ERAP1: variants seen among roughly 807,000 people sequenced by gnomAD.
The protein encoded by ERAP1 is endoplasmic reticulum aminopeptidase 1.
In ERAP1, 86 loss-of-function variants were observed where a neutral mutation model predicts 103.7. The observed-to-expected ratio is 0.83, with a 90% confidence interval of 0.70 to 0.99. The LOEUF (loss-of-function observed/expected upper bound fraction) is 0.99, where lower values mean the gene tolerates loss of function less well. Among genes scored for constraint, ERAP1 ranks in the 50% least tolerant of loss-of-function variants. The probability of loss-of-function intolerance (pLI) is 0.00; values close to 1 mark genes in which losing one functional copy is unlikely to be tolerated. For synonymous variants in ERAP1, 398 were observed against 402.4 expected, an observed-to-expected ratio of 0.99 and a Z score of 0.13; for missense variants, 1,009 against 1,128.4, an observed-to-expected ratio of 0.89 and a Z score of 1.52.
chr5:96,884,291 A>G, the ERAP1 span, among the ~76,000 whole-genome samples: 1 of 152,202 alleles, frequency 6.6e-6, no homozygotes, highest in East Asian at 1.9e-4. Context: ...ATGGTCTGAG[A>G]ATCTTGCTAA....
At chr5:96,822,391 G>A in the ERAP1 span, among the ~76,000 whole-genome samples, 1 of 152,192 alleles carries the variant, frequency 6.6e-6, no homozygotes, top group Non-Finnish European at 1.5e-5. Flanking sequence ...CTGCCATGGG[G>A]AAGAATTTTC....
the ERAP1 span, among the ~76,000 whole-genome samples, chr5:96,869,007 T>C: frequency 6.6e-6 from 1 of 152,004 alleles, no homozygotes; most frequent in Admixed American, 6.6e-5. Flanking sequence ...TGCCTCAAGA[T>C]GTGTGTTTGC....
chr5:96,781,805 T>G lies in ERAP1; in HGVS notation c.2335A>C (p.Thr779Pro). Residue 779 changes from threonine (T) to proline (P), a missense_variant, in exon 16 of 19, where the codon ACA becomes CCA. Around this residue, in one of 3 missense-constraint regions of ERAP1, gnomAD observed 611 missense variants for 651.7 expected, o/e 0.94. Transcript: ENST00000443439. The stretch of plus-strand genomic sequence containing the variant: ...CTATAAAGAAAATCCCAGCCTTCTG[T>G]GCTCTGGGCCCCCACAGCAAACACT... Reference protein sequence around the residue: ...LAVFAVGAQSTEGWDFLYSKY... With the variant: ...LAVFAVGAQSPEGWDFLYSKY... The G allele has an allele frequency of 6.2e-7, 1 of 1,614,122 alleles. No homozygotes were observed. Among genetic ancestry groups the G allele is most frequent in the South Asian group, 1.1e-5 (1 of 91,080 alleles).
the ERAP1 span, among the ~76,000 whole-genome samples, chr5:96,863,107 T>A: frequency 6.6e-6 from 1 of 151,964 alleles, no homozygotes; most frequent in South Asian, 2.1e-4. Flanking sequence ...TCCTCTCAAG[T>A]CTCTCTTCTC....
chr5:96,888,466 G>A, the ERAP1 span, among the ~76,000 whole-genome samples: 1 of 152,208 alleles, frequency 6.6e-6, no homozygotes. Flanking sequence ...GCTTCATAGA[G>A]TGGGCACAAG....
At chr5:96,892,803 T>C in the ERAP1 span, among the ~76,000 whole-genome samples, 1 of 152,190 alleles carries the variant, frequency 6.6e-6, no homozygotes, top group Non-Finnish European at 1.5e-5. Flanking sequence ...TTTCTCCTTA[T>C]ATCCCCTGGT....
chr5:96,908,147 A>G, the ERAP1 span, among the ~76,000 whole-genome samples: 3 of 152,222 alleles, frequency 2.0e-5, no homozygotes, highest in African/African-American at 7.2e-5. Context: ...ATAAGCCCAG[A>G]GGAGACACCC....
chr5:96,884,049 T>C, the ERAP1 span: 1 of 546,314 alleles, frequency 1.8e-6, no homozygotes, highest in Non-Finnish European at 3.2e-6. Context: ...TATCTATCTA[T>C]CTATCTATCT....
At chr5:96,822,037 C>T in the ERAP1 span, among the ~76,000 whole-genome samples, 2 of 152,168 alleles carry the variant, frequency 1.3e-5, no homozygotes, top group Non-Finnish European at 2.9e-5. Flanking sequence ...TGCTTTCTAC[C>T]TGAGCACCCA....
chr5:96,766,936 T>C (rs746230940), intron 19 of ERAP1, among the ~76,000 whole-genome samples: 1 of 152,196 alleles, frequency 6.6e-6, no homozygotes, highest in African/African-American at 2.4e-5. Flanking sequence ...TTGCTTGCAT[T>C]CAGTATTCCT....
the ERAP1 span, among the ~76,000 whole-genome samples, chr5:96,856,117 G>A: frequency 0.21 from 32,339 of 150,744 alleles, 4,198 homozygotes; most frequent in East Asian, 0.45. Context: ...TCAGGACTTC[G>A]AGACCAGCCT....
At chr5:96,818,139 G>C in the ERAP1 span, among the ~76,000 whole-genome samples, 3 of 152,146 alleles carry the variant, frequency 2.0e-5, no homozygotes, top group Non-Finnish European at 2.9e-5. Context: ...GAAAGACACG[G>C]GGCACTTGGG....
chr5:96,798,835 T>C (rs1311479327), intron 3 of ERAP1, among the ~76,000 whole-genome samples: 1 of 151,614 alleles, frequency 6.6e-6, no homozygotes, highest in African/African-American at 2.4e-5. Flanking sequence ...TCTTTTTAAA[T>C]GCATTCTGCT....
At chr5:96,820,805 C>A in the ERAP1 span, among the ~76,000 whole-genome samples, 51 of 152,268 alleles carry the variant, frequency 3.3e-4, no homozygotes, top group African/African-American at 1.2e-3. Context: ...TCAGAGATAC[C>A]ACTCTCATAG....
chr5:96,773,487 G>A (rs1773193180), downstream of ERAP1: 1 of 152,268 alleles, frequency 6.6e-6, no homozygotes, highest in Non-Finnish European at 1.5e-5. Context: ...TAAAACCTGA[G>A]CAGCAACTGT....
chr5:96,895,407 C>CAA, the ERAP1 span: 3 of 1,243,030 alleles, frequency 2.4e-6, no homozygotes, highest in African/African-American at 4.5e-5. Context: ...AAAGAATCAT[C>CAA]AATTCACTAT....
At chr5:96,887,073 GTA>G in the ERAP1 span, among the ~76,000 whole-genome samples, 865 of 87,148 alleles carry the variant, frequency 9.9e-3, 9 homozygotes, top group African/African-American at 0.025. Flanking sequence ...AATTTTCAAA[GTA>G]TATATATATA....
At chr5:96,782,299 G>A (rs115733606) in intron 15 of ERAP1, among the ~76,000 whole-genome samples, 13,945 of 152,064 alleles carry the variant, frequency 0.092, 835 homozygotes, top group Middle Eastern at 0.16. Context: ...GTGAGCCACC[G>A]CGCCTGGCCT....
At chr5:96,829,118 T>C in the ERAP1 span, among the ~76,000 whole-genome samples, 1 of 152,230 alleles carries the variant, frequency 6.6e-6, no homozygotes, top group Non-Finnish European at 1.5e-5. Flanking sequence ...AGTGCTGGGA[T>C]TATAGGCGTC....
Sources: allele counts gnomAD v4.1 joint callset (sites outside exome capture counted in the v4.1 genomes callset), GRCh38; gene constraint gnomAD v4.1.1; regional missense constraint gnomAD v4.1.1; transcripts MANE v1.5; gene names NCBI Gene and HGNC (gene_info 2026-07-23, HGNC 2026-07-21).